NCAPD3: variants seen among roughly 807,000 people sequenced by gnomAD.
The protein encoded by NCAPD3 is non-SMC condensin II complex subunit D3, also known as condensin-2 complex subunit D3.
Under a neutral mutation model 182.9 loss-of-function variants are expected in NCAPD3, and 105 were observed. The ratio of observed to expected loss-of-function variants is 0.57; its 90% CI spans 0.49 to 0.68. NCAPD3 has a LOEUF of 0.68. Ranked by LOEUF, NCAPD3 falls within the 30% of genes least tolerant of loss-of-function variation. The pLI, the probability that NCAPD3 is intolerant of heterozygous loss-of-function variation, is 0.00. For missense variants in NCAPD3, 1,944 were observed against 1,837.0 expected, an observed-to-expected ratio of 1.06 and a Z score of -1.07; for synonymous variants, 815 against 679.9, an observed-to-expected ratio of 1.20 and a Z score of -3.09.
At chr11:134,223,466 G>A (rs931057883) in intron 1 of NCAPD3, 32 of 702,594 alleles carry the variant, frequency 4.6e-5, no homozygotes, top group African/African-American at 3.5e-4. Flanking sequence ...GTCTGCATGT[G>A]AGACATCCAG....
intron 30 of NCAPD3, 29 bp downstream of exon 30, chr11:134,158,300 C>A (rs1383863939): frequency 6.2e-7 from 1 of 1,612,714 alleles, no homozygotes; most frequent in Non-Finnish European, 8.5e-7. Context: ...AGAGAACCAG[C>A]CCTGATGTGG....
intron 3 of NCAPD3, among the ~76,000 whole-genome samples, chr11:134,213,669 C>T (rs2136025218): frequency 6.7e-6 from 1 of 150,198 alleles, no homozygotes; most frequent in Non-Finnish European, 1.5e-5. Context: ...GACCACGTGA[C>T]AGGCAGTCTA....
At chr11:134,207,513 CA>C (rs1487592132) in intron 7 of NCAPD3, among the ~76,000 whole-genome samples, 1 of 151,872 alleles carries the variant, frequency 6.6e-6, no homozygotes, top group African/African-American at 2.4e-5. Context: ...TTTGGGAAAC[CA>C]AGGAGGGTGG....
At chr11:134,178,595 A>G in intron 22 of NCAPD3, 39 bp downstream of exon 22, 3 of 1,448,272 alleles carry the variant, frequency 2.1e-6, no homozygotes, top group Non-Finnish European at 2.8e-6. Context: ...AGCTACACAC[A>G]GAACGATGTC....
At chr11:134,197,713 AG>A (rs1944666078) in intron 13 of NCAPD3, among the ~76,000 whole-genome samples, 1 of 152,246 alleles carries the variant, frequency 6.6e-6, no homozygotes, top group African/African-American at 2.4e-5. Context: ...GATTTATCCC[AG>A]GAATGAAATG....
intron 32 of NCAPD3, 98 bp downstream of exon 32, chr11:134,156,920 A>G: frequency 9.2e-7 from 1 of 1,084,480 alleles, no homozygotes; most frequent in Admixed American, 1.9e-5. Flanking sequence ...CATCAGAACT[A>G]TCCTGCACCG....
upstream of NCAPD3, chr11:134,225,122 G>C: frequency 6.2e-7 from 1 of 1,601,668 alleles, no homozygotes; most frequent in South Asian, 1.1e-5. Flanking sequence ...CCGGCGGTGC[G>C]ATGAGCTTCT....
rs762573708 is a variant in NCAPD3, at chr11:134,192,834, T to C, written c.1900A>G (p.Thr634Ala). 3 of 1,613,984 alleles carry C rather than the reference T, an allele frequency of 1.9e-6. No homozygotes were observed. The highest frequency in any genetic ancestry group is 8.5e-7 in the Non-Finnish European group (1 of 1,179,966). Residue 634 changes from threonine (T) to alanine (A), a missense_variant, in exon 16 of 35, where the codon ACT becomes GCT. By Grantham distance (58) the Thr-to-Ala change is moderately conservative. This residue lies in a region of NCAPD3 where 1,803 missense variants were observed against 1,674.6 expected (regional missense o/e 1.08). Transcript: ENST00000534548. ...AACTCCAGGGCCTTCTCCTGCACAG[T>C]GCTCTCGCAGTCCATCACCACCGGG... ...VVPVVMDCESTVQEKALEFLD... is the reference protein window; with the variant it reads ...VVPVVMDCESAVQEKALEFLD...
intron 32 of NCAPD3, chr11:134,153,650 A>G: frequency 2.2e-6 from 1 of 445,928 alleles, no homozygotes; most frequent in Non-Finnish European, 4.1e-6. Context: ...GTCTTCCATC[A>G]TTGCCCCTGT....
chr11:134,158,630 G>A, intron 29 of NCAPD3, 135 bp from the exon 30 acceptor site: 2 of 922,246 alleles, frequency 2.2e-6, no homozygotes, highest in South Asian at 1.7e-5. Context: ...TCAAATCAGG[G>A]TAATTGGCAT....
chr11:134,171,646 C>A (rs951011977), intron 24 of NCAPD3, among the ~76,000 whole-genome samples: 2 of 152,270 alleles, frequency 1.3e-5, no homozygotes, highest in South Asian at 4.1e-4. Flanking sequence ...TGGCCACCAC[C>A]CCAAATCCAA....
At chr11:134,178,552 C>T in intron 22 of NCAPD3, 82 bp downstream of exon 22, 1 of 1,119,320 alleles carries the variant, frequency 8.9e-7, no homozygotes, top group Non-Finnish European at 1.3e-6. Flanking sequence ...CAGCCCCTGA[C>T]ACAGTCCCAT....
Position 134,177,197 on chromosome 11 carries a change from C to T in NCAPD3, c.3021+22G>A. 2.6e-6 allele frequency: 4 copies of T among 1,553,818 alleles called. 1 individual carries two copies. The Middle Eastern group carries it at 6.8e-4, about 262-fold the overall frequency. On this transcript the variant is annotated intron_variant, in intron 23 of 34. Coordinates refer to ENST00000534548, the MANE Select transcript of NCAPD3 (RefSeq NM_015261.3). ...AGAAGCAATGGTGAAGGGGAAAGGACAGATTGAACCCCCCTACGCACCTGC... is the reference window on the plus strand; with the variant it reads ...AGAAGCAATGGTGAAGGGGAAAGGATAGATTGAACCCCCCTACGCACCTGC...
At chr11:134,169,871 G>C (rs1003313251) in intron 24 of NCAPD3, among the ~76,000 whole-genome samples, 1 of 152,214 alleles carries the variant, frequency 6.6e-6, no homozygotes, top group Admixed American at 6.5e-5. Context: ...CATTCACACT[G>C]TCAAGACCAG....
chr11:134,222,166 C>T (rs1373088940), intron 1 of NCAPD3, among the ~76,000 whole-genome samples: 1 of 152,170 alleles, frequency 6.6e-6, no homozygotes, highest in African/African-American at 2.4e-5. Context: ...GTCTTTTTCC[C>T]TCAGTATCTT....
Position 134,203,209 on chromosome 11 carries a change from G to C in NCAPD3, c.1469-11C>G. 1.3e-6 allele frequency: 2 copies of C among 1,578,192 alleles called. No homozygotes were observed. The highest frequency in any genetic ancestry group is 1.1e-5 in the South Asian group (1 of 89,854). ...CAGAAAACGTAGGACCTAAAAACAA[G>C]AAGAAAGATAAGAAGGAAGAAGTCA... On this transcript the variant is annotated splice_polypyrimidine_tract_variant and intron_variant, in intron 11 of 34. Transcript: ENST00000534548.
At chr11:134,166,058 G>A (rs1230564174) in intron 27 of NCAPD3, among the ~76,000 whole-genome samples, 4 of 90,686 alleles carry the variant, frequency 4.4e-5, no homozygotes, top group Non-Finnish European at 6.7e-5. Context: ...AGATGAGCTT[G>A]GGGGAGCAGC....
At position 134,168,191 on chromosome 11, in the gene NCAPD3, G is replaced by C. The variant is rs761743955; in HGVS notation, c.3378C>G (p.Cys1126Trp). Reference sequence around the variant, plus strand: ...CCAGGGGTAGGATGCCATCAGCAAAGCACGCTGAGAGACAGAGAGAGAGAA... The same window carrying C: ...CCAGGGGTAGGATGCCATCAGCAAACCACGCTGAGAGACAGAGAGAGAGAA... ...TSKICLSILA[C>W]FADGILPLDL... The change falls in exon 27 of 35, where the codon TGC becomes TGG. Residue 1126 changes from cysteine to tryptophan, a missense_variant. Cys to Trp is a radical substitution (Grantham distance 215). This residue lies in a region of NCAPD3 where 1,803 missense variants were observed against 1,674.6 expected (regional missense o/e 1.08). Coordinates refer to ENST00000534548, the MANE Select transcript of NCAPD3 (RefSeq NM_015261.3). 1.9e-6 allele frequency: 3 copies of C among 1,613,470 alleles called. No individual in the cohort carries two copies. The highest frequency in any genetic ancestry group is 1.1e-5 in the South Asian group (1 of 91,068).
chr11:134,211,605 C>T (rs1250150462), intron 3 of NCAPD3, among the ~76,000 whole-genome samples: 1 of 151,620 alleles, frequency 6.6e-6, no homozygotes, highest in Non-Finnish European at 1.5e-5. Context: ...AAAAACAGCC[C>T]AGGAAATGAC....
Sources: allele counts gnomAD v4.1 joint callset (sites outside exome capture counted in the v4.1 genomes callset), GRCh38; gene constraint gnomAD v4.1.1; regional missense constraint gnomAD v4.1.1; transcripts MANE v1.5; gene names NCBI Gene and HGNC (gene_info 2026-07-23, HGNC 2026-07-21).